PAPPA2: variants seen among roughly 807,000 people sequenced by gnomAD.
The protein encoded by PAPPA2 is pappalysin 2.
PAPPA2 carries 86 observed loss-of-function variants against 176.4 expected under a neutral mutation model. The observed-to-expected ratio is 0.49, with a 90% confidence interval of 0.41 to 0.58. The LOEUF (loss-of-function observed/expected upper bound fraction) is 0.58. Among genes scored for constraint, PAPPA2 ranks in the 20% least tolerant of loss-of-function variants. The pLI, the probability that PAPPA2 is intolerant of heterozygous loss-of-function variation, is 0.00. For synonymous variants in PAPPA2, 809 were observed against 852.2 expected (o/e 0.95, Z 0.88); for missense variants, 2,073 against 2,256.9 (o/e 0.92, Z 1.65).
At chr1:176,733,090 T>C (rs1662237018) in intron 12 of PAPPA2, among the ~76,000 whole-genome samples, 1 of 152,114 alleles carries the variant, frequency 6.6e-6, no homozygotes, top group Non-Finnish European at 1.5e-5. Context: ...ATGGAACAGT[T>C]TCATCCTGAA....
chr1:176,694,202 T>C (rs1295534617), intron 6 of PAPPA2, among the ~76,000 whole-genome samples: 1 of 152,182 alleles, frequency 6.6e-6, no homozygotes, highest in Non-Finnish European at 1.5e-5. Context: ...AAGGGCCAAG[T>C]GCATCAGAGG....
At chr1:176,567,416 C>T (rs184609994) in intron 2 of PAPPA2, among the ~76,000 whole-genome samples, 9 of 152,310 alleles carry the variant, frequency 5.9e-5, no homozygotes, top group East Asian at 5.8e-4. Context: ...TCAGAAGGAA[C>T]GTTGCAGAGC....
intron 1 of PAPPA2, among the ~76,000 whole-genome samples, chr1:176,474,341 C>G (rs531871995): frequency 2.6e-4 from 40 of 152,278 alleles, no homozygotes; most frequent in African/African-American, 9.6e-4. Context: ...AGAGACACCT[C>G]AAGAGTTCCA....
chr1:176,529,116 A>G (rs905053244), intron 1 of PAPPA2, among the ~76,000 whole-genome samples: 3 of 152,184 alleles, frequency 2.0e-5, no homozygotes, highest in Non-Finnish European at 4.4e-5. Flanking sequence ...GTTGAAATGC[A>G]GTGGAAGAAT....
intron 21 of PAPPA2, among the ~76,000 whole-genome samples, chr1:176,813,897 C>T (rs1271272871): frequency 6.6e-6 from 1 of 152,102 alleles, no homozygotes; most frequent in East Asian, 1.9e-4. Flanking sequence ...AGATTTTCTT[C>T]TAGGGTTTTA....
chr1:176,784,407 G>A (rs1008335714), intron 17 of PAPPA2, among the ~76,000 whole-genome samples: 7 of 152,108 alleles, frequency 4.6e-5, no homozygotes, highest in African/African-American at 1.7e-4. Flanking sequence ...CAATGCAGAG[G>A]CACTGGGGAT....
chr1:176,541,655 A>T (rs150522159), intron 1 of PAPPA2, among the ~76,000 whole-genome samples: 102 of 152,336 alleles, frequency 6.7e-4, no homozygotes, highest in Middle Eastern at 3.4e-3. Flanking sequence ...AATGATCCAC[A>T]TCGAGAAGCT....
chr1:176,767,893 A>AT (rs1257855420), intron 15 of PAPPA2, among the ~76,000 whole-genome samples: 1 of 152,178 alleles, frequency 6.6e-6, no homozygotes, highest in Non-Finnish European at 1.5e-5. Context: ...CTTTTTGTTG[A>AT]CGCAAGAACC....
intron 2 of PAPPA2, among the ~76,000 whole-genome samples, chr1:176,573,700 G>A (rs1484407631): frequency 6.6e-6 from 1 of 152,186 alleles, no homozygotes; most frequent in Non-Finnish European, 1.5e-5. Flanking sequence ...GAAATGTACT[G>A]AGATAATGGA....
intron 3 of PAPPA2, among the ~76,000 whole-genome samples, chr1:176,666,072 A>G (rs1476489302): frequency 1.3e-5 from 2 of 152,202 alleles, no homozygotes; most frequent in Non-Finnish European, 2.9e-5. Context: ...TGAGAAAAGA[A>G]TGGACCACAA....
chr1:176,484,408 A>T lies in PAPPA2; in HGVS notation c.-917+20990A>T, dbSNP rs1374906356. ...AATGTGTGACACTAATTTTGGGGAAATTACCAGTCAGTCTTTCAAATATGT... is the reference window on the plus strand; with the variant it reads ...AATGTGTGACACTAATTTTGGGGAATTTACCAGTCAGTCTTTCAAATATGT... On this transcript the variant is annotated intron_variant, in intron 1 of 22. Transcript: ENST00000367662. Among the ~76,000 whole-genome samples, 3 of 152,170 alleles carry T rather than the reference A, an allele frequency of 2.0e-5. No homozygotes were observed. In the East Asian group the frequency reaches 5.8e-4, roughly 29 times the overall value.
At chr1:176,742,062 C>T (rs1451332563) in intron 14 of PAPPA2, among the ~76,000 whole-genome samples, 1 of 152,194 alleles carries the variant, frequency 6.6e-6, no homozygotes, top group East Asian at 1.9e-4. Flanking sequence ...ACGGATTCCT[C>T]CCTGTTCCCA....
chr1:176,707,775 C>G (rs1182368499), intron 10 of PAPPA2, among the ~76,000 whole-genome samples: 1 of 152,140 alleles, frequency 6.6e-6, no homozygotes, highest in Non-Finnish European at 1.5e-5. Flanking sequence ...AGTGCGTTTT[C>G]CCTGCTATGA....
chr1:176,507,195 G>A (rs893802953), intron 1 of PAPPA2, among the ~76,000 whole-genome samples: 22 of 151,986 alleles, frequency 1.4e-4, no homozygotes, highest in African/African-American at 5.3e-4. Flanking sequence ...AATGCTTCAT[G>A]TCACTAATCA....
intron 1 of PAPPA2, among the ~76,000 whole-genome samples, chr1:176,516,358 C>T (rs985196126): frequency 1.3e-5 from 2 of 151,864 alleles, no homozygotes; most frequent in African/African-American, 4.8e-5. Context: ...TACCATCCTC[C>T]CCACTCCCCC....
At chr1:176,752,795 T>C (rs1385136578) in intron 14 of PAPPA2, among the ~76,000 whole-genome samples, 2 of 152,234 alleles carry the variant, frequency 1.3e-5, no homozygotes, top group Admixed American at 6.5e-5. Flanking sequence ...TATCTTCAGG[T>C]TGACTTACTC....
At chr1:176,598,231 T>G (rs1654088685) in intron 3 of PAPPA2, among the ~76,000 whole-genome samples, 1 of 152,220 alleles carries the variant, frequency 6.6e-6, no homozygotes, top group Non-Finnish European at 1.5e-5. Context: ...ACTCTGTCCT[T>G]GCTCTGCACA....
At chr1:176,586,792 C>T (rs527306224) in intron 2 of PAPPA2, among the ~76,000 whole-genome samples, 1 of 152,156 alleles carries the variant, frequency 6.6e-6, no homozygotes, top group South Asian at 2.1e-4. Context: ...ATTTATATTT[C>T]TTTGGGTCTA....
chr1:176,775,304 A>C (rs183514540), intron 17 of PAPPA2, among the ~76,000 whole-genome samples: 6 of 152,302 alleles, frequency 3.9e-5, no homozygotes, highest in Non-Finnish European at 7.4e-5. Context: ...TTATGATAGA[A>C]TTTTGATGTT....
Sources: allele counts gnomAD v4.1 joint callset (sites outside exome capture counted in the v4.1 genomes callset), GRCh38; gene constraint gnomAD v4.1.1; transcripts MANE v1.5; gene names NCBI Gene and HGNC (gene_info 2026-07-23, HGNC 2026-07-21).